Variants in RBPMS observed in about 807,000 individuals in gnomAD.
RBPMS encodes the protein RNA binding protein, mRNA processing factor.
In RBPMS, 7 loss-of-function variants were observed where a neutral mutation model predicts 26.8. The ratio of observed to expected loss-of-function variants is 0.26; its 90% CI spans 0.15 to 0.49. The LOEUF is 0.49. Among genes scored for constraint, RBPMS ranks in the 20% least tolerant of loss-of-function variants. RBPMS has a pLI of 0.98. For synonymous variants in RBPMS, 96 were observed against 93.3 expected (o/e 1.03, Z -0.17); for missense variants, 186 against 250.0 (o/e 0.74, Z 1.73).
intron 4 of RBPMS, among the ~76,000 whole-genome samples, chr8:30,494,976 A>G (rs1819775051): frequency 6.6e-6 from 1 of 152,226 alleles, no homozygotes; most frequent in African/African-American, 2.4e-5. Flanking sequence ...AAGTGAAGCC[A>G]AATGTACATT....
At chr8:30,512,251 CTTAT>C (rs1821796437) in intron 5 of RBPMS, among the ~76,000 whole-genome samples, 2 of 151,836 alleles carry the variant, frequency 1.3e-5, no homozygotes, top group Non-Finnish European at 2.9e-5. Flanking sequence ...TTTTTGTTTA[CTTAT>C]TTGTTTGTGT....
intron 4 of RBPMS, among the ~76,000 whole-genome samples, chr8:30,504,070 G>T (rs1820840607): frequency 6.6e-6 from 1 of 152,208 alleles, no homozygotes; most frequent in South Asian, 2.1e-4. Context: ...TTGAAAATCT[G>T]TGTAACTACA....
chr8:30,409,150 A>C (rs920957338), intron 1 of RBPMS, among the ~76,000 whole-genome samples: 1 of 150,416 alleles, frequency 6.6e-6, no homozygotes, highest in Non-Finnish European at 1.5e-5. Context: ...CTTACAAAGC[A>C]TTCCACCTCT....
At chr8:30,528,073 G>T (rs1409970976) in intron 5 of RBPMS, among the ~76,000 whole-genome samples, 1 of 152,082 alleles carries the variant, frequency 6.6e-6, no homozygotes, top group Non-Finnish European at 1.5e-5. Flanking sequence ...TACTCAAGAG[G>T]CTGAGGCAGG....
intron 1 of RBPMS, among the ~76,000 whole-genome samples, chr8:30,448,949 G>A (rs1283206740): frequency 6.6e-6 from 1 of 152,172 alleles, no homozygotes; most frequent in East Asian, 1.9e-4. Flanking sequence ...TCGTTTAACT[G>A]CTGTCCTGGC....
intron 1 of RBPMS, among the ~76,000 whole-genome samples, chr8:30,451,046 T>C (rs1368047493): frequency 6.6e-6 from 1 of 152,068 alleles, no homozygotes; most frequent in African/African-American, 2.4e-5. Context: ...AGGTAGAAAA[T>C]GTAATTACTT....
chr8:30,504,470 A>G (rs1563385055), intron 5 of RBPMS, 34 bp downstream of exon 5: 7 of 1,602,732 alleles, frequency 4.4e-6, no homozygotes, highest in Non-Finnish European at 6.0e-6. Flanking sequence ...AAAAGTAATA[A>G]TAACTAAGAA....
intron 5 of RBPMS, among the ~76,000 whole-genome samples, chr8:30,512,419 C>G (rs1182485291): frequency 6.6e-6 from 1 of 152,114 alleles, no homozygotes; most frequent in East Asian, 1.9e-4. Flanking sequence ...CTCGTGGACC[C>G]CTTTCCATCC....
intron 1 of RBPMS, among the ~76,000 whole-genome samples, chr8:30,435,173 A>G (rs920127975): frequency 6.6e-6 from 1 of 152,226 alleles, no homozygotes; most frequent in Non-Finnish European, 1.5e-5. Context: ...AAAACTTTGC[A>G]GTCAAAACTT....
chr8:30,549,850 TTTC>T (rs780230035), intron 6 of RBPMS, among the ~76,000 whole-genome samples: 34 of 148,900 alleles, frequency 2.3e-4, no homozygotes, highest in Non-Finnish European at 4.4e-4. Context: ...CTTTCTTTTC[TTTC>T]TTCTTTTTTT....
intron 1 of RBPMS, among the ~76,000 whole-genome samples, chr8:30,472,733 G>T (rs1407725585): frequency 6.6e-6 from 1 of 152,196 alleles, no homozygotes; most frequent in African/African-American, 2.4e-5. Flanking sequence ...AAAGGGCCTT[G>T]CTTGGTGATT....
intron 1 of RBPMS, among the ~76,000 whole-genome samples, chr8:30,417,084 TG>T (rs1307588911): frequency 6.6e-6 from 1 of 152,236 alleles, no homozygotes. Context: ...TTTTGTTTTT[TG>T]TTGGGGGAGT....
intron 5 of RBPMS, among the ~76,000 whole-genome samples, chr8:30,523,014 TTC>T (rs1197521719): frequency 6.6e-6 from 1 of 152,202 alleles, no homozygotes; most frequent in Non-Finnish European, 1.5e-5. Context: ...GGTGATTCTG[TTC>T]TCTGTTTTCC....
chr8:30,514,737 G>A (rs564883950), intron 5 of RBPMS, among the ~76,000 whole-genome samples: 4 of 129,034 alleles, frequency 3.1e-5, no homozygotes, highest in East Asian at 2.4e-4. Context: ...TGTTGGCCAC[G>A]CTGGTCTCAA....
intron 4 of RBPMS, among the ~76,000 whole-genome samples, chr8:30,501,920 T>C (rs1820595317): frequency 6.6e-6 from 1 of 152,204 alleles, no homozygotes; most frequent in Non-Finnish European, 1.5e-5. Flanking sequence ...TTCTGTGTTC[T>C]CCCTTTTCCT....
Position 30,504,377 on chromosome 8 carries a change from C to T in RBPMS, c.338C>T (p.Thr113Ile), listed in dbSNP as rs1820872870. 2 of 1,614,076 alleles carry T rather than the reference C, an allele frequency of 1.2e-6. No individual in the cohort carries two copies. The highest frequency in any genetic ancestry group is 2.2e-5 in the East Asian group (1 of 44,906). ...TKMAKNKLVG[T>I]PNPSTPLPNT... ...ATGGCCAAGAACAAACTCGTAGGGA[C>T]TCCAAACCCCAGTACTCCTCTGCCC... The change falls in exon 5 of 9, where the codon ACT becomes ATT. Residue 113 changes from threonine to isoleucine, a missense_variant. By Grantham distance (89) the Thr-to-Ile change is moderately conservative. Coordinates refer to ENST00000397323, the MANE Select transcript of RBPMS (RefSeq NM_001008710.3).
chr8:30,529,927 A>AT (rs948824186), intron 5 of RBPMS, among the ~76,000 whole-genome samples: 22 of 151,524 alleles, frequency 1.5e-4, no homozygotes, highest in Admixed American at 2.6e-4. Context: ...CCAATTTTGT[A>AT]TTTTTTTACT....
chr8:30,391,334 A>G (rs1185458915), intron 1 of RBPMS, among the ~76,000 whole-genome samples: 2 of 152,224 alleles, frequency 1.3e-5, no homozygotes, highest in Non-Finnish European at 2.9e-5. Flanking sequence ...TGTGTTCCCA[A>G]ACAAGCCTGC....
At chr8:30,436,235 C>T (rs1334193881) in intron 1 of RBPMS, among the ~76,000 whole-genome samples, 4 of 152,068 alleles carry the variant, frequency 2.6e-5, no homozygotes, top group Non-Finnish European at 5.9e-5. Context: ...CTAAGCATTT[C>T]CTGGTACTAG....
Sources: allele counts gnomAD v4.1 joint callset (sites outside exome capture counted in the v4.1 genomes callset), GRCh38; gene constraint gnomAD v4.1.1; transcripts MANE v1.5; gene names NCBI Gene and HGNC (gene_info 2026-07-23, HGNC 2026-07-21).